POLR3H: variants seen among roughly 807,000 people sequenced by gnomAD.
POLR3H encodes DNA-directed RNA polymerase III subunit RPC8.
POLR3H carries 17 observed loss-of-function variants against 25.5 expected under a neutral mutation model. The observed-to-expected ratio is 0.67, with a 90% CI of 0.46 to 1.00. POLR3H has a LOEUF of 1.00. Ranked by LOEUF, POLR3H falls within the 50% of genes least tolerant of loss-of-function variation. POLR3H has a pLI of 0.00. For synonymous variants in POLR3H, 129 were observed against 103.0 expected (o/e 1.25, Z -1.53); for missense variants, 274 against 265.0 (o/e 1.03, Z -0.24).
At chr22:41,536,312 G>A (rs1289902688) in intron 2 of POLR3H, among the ~76,000 whole-genome samples, 2 of 149,656 alleles carry the variant, frequency 1.3e-5, no homozygotes, top group African/African-American at 4.9e-5. Context: ...GGAGAATGGC[G>A]TGAACCCGGG....
In POLR3H at chr22:41,527,311, G is replaced by A. The variant is rs773274938; in HGVS notation, c.*1972C>T. 33 of 1,614,060 alleles carry A rather than the reference G, an allele frequency of 2.0e-5. No homozygotes were observed. The South Asian group carries it at 3.6e-4, about 18-fold the overall frequency. On this transcript the variant is annotated 3_prime_UTR_variant, in exon 6 of 6. Transcript: ENST00000355209. Reference sequence around the variant, plus strand: ...AGAAACATGGCATCAGGTGGGTGGTGATCGGAGACGAGAACTACGGCGAGG... The same window carrying A: ...AGAAACATGGCATCAGGTGGGTGGTAATCGGAGACGAGAACTACGGCGAGG...
Position 41,526,519 on chromosome 22 carries a change from G to A in POLR3H, c.*2764C>T. ...TGAAGGGGCCTGCAAGGCAGGTGCA[G>A]GGAGGACATTAGGGGAGTGGAAACT... On this transcript the variant is annotated 3_prime_UTR_variant, in exon 6 of 6. Transcript: ENST00000355209. 1 of 1,540,342 alleles carries A rather than the reference G, an allele frequency of 6.5e-7. No homozygotes were observed. Among genetic ancestry groups the A allele is most frequent in the Non-Finnish European group, 8.8e-7 (1 of 1,136,020 alleles).
chr22:41,531,728 A>G (rs535703414), intron 4 of POLR3H, among the ~76,000 whole-genome samples: 27 of 152,392 alleles, frequency 1.8e-4, no homozygotes, highest in East Asian at 7.7e-4. Context: ...CTCACGTCCC[A>G]GGGACCAGTG....
chr22:41,532,305 A>G lies in POLR3H; in HGVS notation c.296-148T>C, dbSNP rs2066751846. ...GGAAACCTAGGCCCCTTCCCCACCT[A>G]ATGCCTCTGCGTACACCACCCACAT... On this transcript the variant is annotated intron_variant, in intron 3 of 5. Coordinates refer to ENST00000355209, the MANE Select transcript of POLR3H (RefSeq NM_001018050.4). The G allele has an allele frequency of 5.0e-6, 4 of 793,324 alleles. No homozygotes were observed. The African/African-American group carries it at 6.9e-5, about 14-fold the overall frequency. The allele number at this position is 793,324 out of a possible 1,614,324, so 49.1% of individuals were successfully genotyped here.
chr22:41,533,814 C>T (rs2066792273), intron 2 of POLR3H: 1 of 771,174 alleles, frequency 1.3e-6, no homozygotes, highest in Non-Finnish European at 1.9e-6. Flanking sequence ...CCCTGTCCCC[C>T]ACATGGCCCA....
intron 5 of POLR3H, chr22:41,529,702 C>A (rs1284936996): frequency 1.8e-6 from 1 of 567,308 alleles, no homozygotes; most frequent in African/African-American, 1.8e-5. Context: ...TCCCCGGAGC[C>A]CTCCCTTTTA....
chr22:41,529,760 G>GTT lies in POLR3H; in HGVS notation c.562-426_562-425dup. On this transcript the variant is annotated intron_variant, in intron 5 of 5. Transcript: ENST00000355209. ...CTACAGGGAGCCCTACCTTTTTTTTGTTGTTTTTTTTTTTTGAGACAGTCT... is the reference window on the plus strand; with the variant it reads ...CTACAGGGAGCCCTACCTTTTTTTTGTTTTGTTTTTTTTTTTTGAGACAGTCT... 4.6e-5 allele frequency: 20 copies of GTT among 431,376 alleles called. No homozygotes were observed. The Admixed American group carries it at 4.9e-4, about 11-fold the overall frequency. The allele number at this position is 431,376 out of a possible 1,614,324, so 26.7% of individuals were successfully genotyped here.
Position 41,528,377 on chromosome 22 carries a change from C to T in POLR3H, c.*906G>A, listed in dbSNP as rs2066647987. Reference sequence around the variant, plus strand: ...GCCTAGGATTTGGTTTGCCTGCTGACCTCTTAGGTCCCCAGGCAGTGCCCT... The same window carrying T: ...GCCTAGGATTTGGTTTGCCTGCTGATCTCTTAGGTCCCCAGGCAGTGCCCT... On this transcript the variant is annotated 3_prime_UTR_variant, in exon 6 of 6. Transcript: ENST00000355209. 5 of 1,503,984 alleles carry T rather than the reference C, an allele frequency of 3.3e-6. No individual in the cohort carries two copies. Among genetic ancestry groups the T allele is most frequent in the African/African-American group, 1.4e-5 (1 of 71,748 alleles). 93.2% of individuals were successfully genotyped at this position (1,503,984 alleles called of 1,614,324 possible). A position where few individuals can be genotyped will look rare whatever the true frequency, so the allele number is the denominator to read the frequency against.
chr22:41,543,749 T>A, intron 1 of POLR3H: 1 of 663,646 alleles, frequency 1.5e-6, no homozygotes, highest in East Asian at 3.1e-5. Flanking sequence ...GTCAGTAACT[T>A]GCCTGCAATT....
Position 41,544,189 on chromosome 22 carries a change from C to T in POLR3H, c.-88G>A, listed in dbSNP as rs981138488. 2 of 787,866 alleles carry T rather than the reference C, an allele frequency of 2.5e-6. No individual in the cohort carries two copies. Among genetic ancestry groups the T allele is most frequent in the Non-Finnish European group, 4.1e-6 (2 of 486,986 alleles). The allele number at this position is 787,866 out of a possible 1,614,324, so 48.8% of individuals were successfully genotyped here. On this transcript the variant is annotated 5_prime_UTR_variant, in exon 1 of 6. Transcript: ENST00000355209. ...GGAGAATCCCCGAGCCCCTTGGTCC[C>T]GTCCCAGTCGCTGAGGCCCCCAGGC...
intron 1 of POLR3H, among the ~76,000 whole-genome samples, chr22:41,542,379 C>T (rs933762759): frequency 3.3e-5 from 5 of 152,094 alleles, no homozygotes; most frequent in African/African-American, 4.8e-5. Flanking sequence ...CCCCCACGCC[C>T]GGCCTGTATT....
chr22:41,533,388 G>A, intron 2 of POLR3H: 1 of 610,244 alleles, frequency 1.6e-6, no homozygotes, highest in East Asian at 8.5e-5. Flanking sequence ...GCTGACCTGA[G>A]AATCAGCACG....
Position 41,527,052 on chromosome 22 carries a change from C to T in POLR3H, c.*2231G>A. 1.7e-6 allele frequency: 1 copy of T among 604,650 alleles called. No homozygotes were observed. Among genetic ancestry groups the T allele is most frequent in the Non-Finnish European group, 2.9e-6 (1 of 346,178 alleles). The allele number at this position is 604,650 out of a possible 1,614,324, so 37.5% of individuals were successfully genotyped here. A position where few individuals can be genotyped will look rare whatever the true frequency, so the allele number is the denominator to read the frequency against. ...CCAAGCACCAATGGGTGGCTTCTGT[C>T]TTCTTTGCCACTGCAAACAACCACG... On this transcript the variant is annotated 3_prime_UTR_variant, in exon 6 of 6. Transcript: ENST00000355209.
Position 41,527,100 on chromosome 22 carries a change from C to T in POLR3H, c.*2183G>A, listed in dbSNP as rs545679810. 7.2e-5 allele frequency: 58 copies of T among 802,670 alleles called. No homozygotes were observed. The highest frequency in any genetic ancestry group is 1.4e-4 in the African/African-American group (8 of 57,578). The allele number at this position is 802,670 out of a possible 1,614,324, so 49.7% of individuals were successfully genotyped here. Reference sequence around the variant, plus strand: ...ACGTGCCTCTGTCCCCTCGGGGCCTCGTTTGGGTCTCATTCACGCAGGCTT... The same window carrying T: ...ACGTGCCTCTGTCCCCTCGGGGCCTTGTTTGGGTCTCATTCACGCAGGCTT... On this transcript the variant is annotated 3_prime_UTR_variant, in exon 6 of 6. Coordinates refer to ENST00000355209, the MANE Select transcript of POLR3H (RefSeq NM_001018050.4).
At position 41,532,687 on chromosome 22, in the gene POLR3H, G is replaced by A. The variant is rs752439104; in HGVS notation, c.267C>T (p.Ile89=). The change falls in exon 3 of 6, where the codon ATC becomes ATT. Residue 89 remains isoleucine (I), a synonymous_variant. Transcript: ENST00000355209. The part of the protein sequence containing the change: ...PFLDEILIGK[I]KGCSPEGVHV... ...GCACTCCTTCTGGGCTGCAGCCTTTGATCTTCCCAATGAGAATCTCATCTA... is the reference window on the plus strand; with the variant it reads ...GCACTCCTTCTGGGCTGCAGCCTTTAATCTTCCCAATGAGAATCTCATCTA... The A allele has an allele frequency of 1.2e-6, 2 of 1,614,068 alleles. No homozygotes were observed. The highest frequency in any genetic ancestry group is 1.1e-5 in the South Asian group (1 of 91,078).
chr22:41,530,469 C>T (rs750448761), intron 5 of POLR3H, among the ~76,000 whole-genome samples: 45 of 152,202 alleles, frequency 3.0e-4, no homozygotes, highest in Non-Finnish European at 5.6e-4. Context: ...CAAGCTGACT[C>T]GCCCACCCCA....
Position 41,528,508 on chromosome 22 carries a change from C to A in POLR3H, c.*775G>T, listed in dbSNP as rs746682822. 1 of 1,612,584 alleles carries A rather than the reference C, an allele frequency of 6.2e-7. No individual in the cohort carries two copies. The highest frequency in any genetic ancestry group is 1.7e-5 in the Admixed American group (1 of 60,022). ...TGAAGTGCATCATCAAGCACCCCAA[C>A]GGGACCCAGGAGACCATCCTCCTGA... On this transcript the variant is annotated 3_prime_UTR_variant, in exon 6 of 6. Transcript: ENST00000355209.
intron 2 of POLR3H, among the ~76,000 whole-genome samples, chr22:41,535,085 T>C (rs1436840957): frequency 1.3e-5 from 2 of 152,132 alleles, no homozygotes. Flanking sequence ...GGAACTTGCA[T>C]CTAGAATTTT....
At chr22:41,530,221 C>T (rs1327651091) in intron 5 of POLR3H, among the ~76,000 whole-genome samples, 2 of 152,114 alleles carry the variant, frequency 1.3e-5, no homozygotes, top group Non-Finnish European at 2.9e-5. Context: ...TTAAGGGATA[C>T]TCCCATCTCA....
Sources: gnomAD v4.1 joint callset for allele counts (sites outside exome capture counted in the v4.1 genomes callset) on GRCh38, gnomAD v4.1.1 for gene constraint, MANE v1.5 for transcripts, NCBI Gene and HGNC (gene_info 2026-07-23, HGNC 2026-07-21) for gene names.